The following TMEM117 variants were observed in gnomAD, a reference collection of about 807,000 sequenced individuals.
The protein encoded by TMEM117 is transmembrane protein 117.
Under a neutral mutation model 52.4 loss-of-function variants are expected in TMEM117, and 27 were observed. The observed-to-expected ratio is 0.51, with a 90% confidence interval of 0.38 to 0.71. The LOEUF is 0.71. Ranked by LOEUF, TMEM117 falls within the 30% of genes least tolerant of loss-of-function variation. The probability of loss-of-function intolerance (pLI) is 0.00; values close to 1 mark genes in which losing one functional copy is unlikely to be tolerated. For synonymous variants in TMEM117, 215 were observed against 206.3 expected, an observed-to-expected ratio of 1.04 and a Z score of -0.36; for missense variants, 556 against 630.5, an observed-to-expected ratio of 0.88 and a Z score of 1.26.
At chr12:43,853,312 T>A (rs1330886927) in intron 2 of TMEM117, among the ~76,000 whole-genome samples, 1 of 152,214 alleles carries the variant, frequency 6.6e-6, no homozygotes, top group Non-Finnish European at 1.5e-5. Context: ...AGTCTCACTC[T>A]GTTGCCAGGC....
chr12:43,878,512 A>G (rs1050359488), intron 2 of TMEM117, among the ~76,000 whole-genome samples: 1 of 152,226 alleles, frequency 6.6e-6, no homozygotes, highest in African/African-American at 2.4e-5. Flanking sequence ...ATACTTTTCT[A>G]TTGATAAGAG....
chr12:44,311,179 G>A lies in TMEM117; in HGVS notation c.768+11440G>A, dbSNP rs140861260. The stretch of plus-strand genomic sequence containing the variant: ...TACATTTTTCTCAATTTTTATGTGA[G>A]TATATATATATATGTATATACATAT... On this transcript the variant is annotated intron_variant, in intron 6 of 7. Transcript: ENST00000266534. 6.8e-3 allele frequency among the ~76,000 whole-genome samples: 1,030 copies of A among 151,216 alleles called. 12 individuals are homozygous for A. Among genetic ancestry groups the A allele is most frequent in the African/African-American group, 0.024 (998 of 41,278 alleles).
intron 3 of TMEM117, among the ~76,000 whole-genome samples, chr12:44,091,565 C>G (rs1053302771): frequency 5.3e-5 from 8 of 152,076 alleles, no homozygotes; most frequent in African/African-American, 1.9e-4. Context: ...TTACAGCGTG[C>G]CACTAAGGAA....
intron 5 of TMEM117, among the ~76,000 whole-genome samples, chr12:44,220,096 A>C (rs1592616943): frequency 6.6e-6 from 1 of 152,190 alleles, no homozygotes; most frequent in Non-Finnish European, 1.5e-5. Context: ...TGGAGAAAAA[A>C]AGATACTAAT....
chr12:43,901,418 C>T (rs1944303166), intron 2 of TMEM117, among the ~76,000 whole-genome samples: 1 of 152,292 alleles, frequency 6.6e-6, no homozygotes, highest in African/African-American at 2.4e-5. Flanking sequence ...TCAAGCCATT[C>T]TTCTGCCTCA....
chr12:43,955,050 T>C (rs1414167244), intron 3 of TMEM117, among the ~76,000 whole-genome samples: 1 of 152,122 alleles, frequency 6.6e-6, no homozygotes, highest in Non-Finnish European at 1.5e-5. Context: ...ATTATCTCAA[T>C]AGACACAGAA....
chr12:44,195,962 T>C (rs1949415073), intron 4 of TMEM117, among the ~76,000 whole-genome samples: 1 of 151,896 alleles, frequency 6.6e-6, no homozygotes, highest in African/African-American at 2.4e-5. Flanking sequence ...ACACATACTT[T>C]GTAGTCCAAG....
At chr12:43,998,489 T>G (rs1946067410) in intron 3 of TMEM117, among the ~76,000 whole-genome samples, 1 of 152,224 alleles carries the variant, frequency 6.6e-6, no homozygotes, top group African/African-American at 2.4e-5. Flanking sequence ...GTGACTACTG[T>G]TATAGTTAGG....
intron 6 of TMEM117, among the ~76,000 whole-genome samples, chr12:44,312,856 T>G (rs1592685652): frequency 6.6e-6 from 1 of 152,292 alleles, no homozygotes; most frequent in Middle Eastern, 3.4e-3. Context: ...CTCTGATGAT[T>G]AGTGATGATG....
intron 4 of TMEM117, among the ~76,000 whole-genome samples, chr12:44,207,743 G>A (rs564142184): frequency 6.6e-6 from 1 of 151,740 alleles, no homozygotes; most frequent in South Asian, 2.1e-4. Flanking sequence ...TACATATTTT[G>A]TGCTCATAGG....
chr12:44,183,380 T>C (rs1369553336), intron 4 of TMEM117, among the ~76,000 whole-genome samples: 1 of 152,208 alleles, frequency 6.6e-6, no homozygotes, highest in African/African-American at 2.4e-5. Flanking sequence ...TTGAGAATAC[T>C]TACATTTTTA....
chr12:44,094,976 G>A (rs1000530430), intron 3 of TMEM117, among the ~76,000 whole-genome samples: 3 of 152,064 alleles, frequency 2.0e-5, no homozygotes, highest in Admixed American at 1.3e-4. Flanking sequence ...CACTGGTAAT[G>A]TGATCCTACC....
At chr12:44,019,033 C>T (rs774633637) in intron 3 of TMEM117, among the ~76,000 whole-genome samples, 1 of 152,180 alleles carries the variant, frequency 6.6e-6, no homozygotes, top group Non-Finnish European at 1.5e-5. Flanking sequence ...TGCACTCAAC[C>T]CTAAGTGGAC....
chr12:43,956,345 G>T (rs1945305156), intron 3 of TMEM117, among the ~76,000 whole-genome samples: 1 of 152,094 alleles, frequency 6.6e-6, no homozygotes, highest in South Asian at 2.1e-4. Context: ...TATCATCAGA[G>T]TGAACAGACA....
chr12:44,105,105 C>A (rs1454735440), intron 3 of TMEM117, among the ~76,000 whole-genome samples: 1 of 151,904 alleles, frequency 6.6e-6, no homozygotes. Context: ...TCCCACTAAG[C>A]TTACATTACA....
the TMEM117 span, among the ~76,000 whole-genome samples, chr12:43,827,045 T>C: frequency 4.0e-5 from 6 of 151,136 alleles, no homozygotes; most frequent in African/African-American, 1.5e-4. Context: ...ATACATTTAA[T>C]CTAGTATGTG....
rs1945431873 is a variant in TMEM117 at position 43,963,205 on chromosome 12, T to C, written c.410+18863T>C. ...TAAATTATATTTTAAATATATTACTTAATGTATTCTAGTATACACTATATA... is the reference window on the plus strand; with the variant it reads ...TAAATTATATTTTAAATATATTACTCAATGTATTCTAGTATACACTATATA... On this transcript the variant is annotated intron_variant, in intron 3 of 7. Coordinates refer to ENST00000266534, the MANE Select transcript of TMEM117 (RefSeq NM_032256.3). Among the ~76,000 whole-genome samples, 3 of 150,608 alleles carry C rather than the reference T, an allele frequency of 2.0e-5. No homozygotes were observed. The South Asian group carries it at 6.2e-4, about 31-fold the overall frequency.
rs11182373 is a variant in TMEM117, at chr12:44,001,677, A to G, written c.410+57335A>G. ...CACAGCCTGGTTCAGCATCTAGTAT[A>G]TGTGAGCTGGAACAGAGGAGAGAGA... On this transcript the variant is annotated intron_variant, in intron 3 of 7. Transcript: ENST00000266534. Among the ~76,000 whole-genome samples, 213 of 152,112 alleles carry G rather than the reference A, an allele frequency of 1.4e-3. 3 individuals carry two copies. In the East Asian group the frequency reaches 0.023, roughly 17 times the overall value.
chr12:44,274,697 C>A (rs1396413464), intron 5 of TMEM117, among the ~76,000 whole-genome samples: 1 of 151,908 alleles, frequency 6.6e-6, no homozygotes, highest in Non-Finnish European at 1.5e-5. Flanking sequence ...GGAACATACA[C>A]GTTGGAAAAG....
Sources: allele counts gnomAD v4.1 joint callset (sites outside exome capture counted in the v4.1 genomes callset), GRCh38; gene constraint gnomAD v4.1.1; transcripts MANE v1.5; gene names NCBI Gene and HGNC (gene_info 2026-07-23, HGNC 2026-07-21).